Variants in GLB1L2 observed in about 807,000 individuals in gnomAD.
GLB1L2 encodes the protein beta-galactosidase-1-like protein 2.
A neutral mutation model predicts 84.1 loss-of-function variants in GLB1L2; 68 were observed. The observed-to-expected ratio is 0.81, with a 90% CI of 0.67 to 0.99. GLB1L2 has a LOEUF of 0.99. Among genes scored for constraint, GLB1L2 ranks in the 50% least tolerant of loss-of-function variants. GLB1L2 has a pLI of 0.00. For synonymous variants in GLB1L2, 290 were observed against 318.0 expected (o/e 0.91, Z 0.94); for missense variants, 762 against 805.6 (o/e 0.95, Z 0.66).
intron 5 of GLB1L2, among the ~76,000 whole-genome samples, chr11:134,352,285 A>T (rs1943644741): frequency 6.6e-6 from 1 of 152,156 alleles, no homozygotes; most frequent in Non-Finnish European, 1.5e-5. Context: ...TTTCTGTAAA[A>T]TCAGCAGTAA....
rs974029946 is a variant in GLB1L2, at chr11:134,334,676, C to T, written c.86+2529C>T. 3.3e-5 allele frequency among the ~76,000 whole-genome samples: 5 copies of T among 152,104 alleles called. No individual in the cohort carries two copies. The highest frequency in any genetic ancestry group is 7.2e-5 in the African/African-American group (3 of 41,398). The stretch of plus-strand genomic sequence containing the variant: ...TCCTACTCCTCCCTGCTCCCCAGCC[C>T]CAAGCAACCACTGATCTGTTGCTTT... On this transcript the variant is annotated intron_variant, in intron 1 of 18. Transcript: ENST00000535456. The surrounding 1 kb of genome is among the most constrained non-coding windows in gnomAD (Gnocchi z 4.1).
chr11:134,368,638 C>G lies in GLB1L2; in HGVS notation c.890-6C>G, dbSNP rs375488325. The G allele has an allele frequency of 6.2e-7, 1 of 1,613,456 alleles. No individual in the cohort carries two copies. Among genetic ancestry groups the G allele is most frequent in the African/African-American group, 1.3e-5 (1 of 75,040 alleles). On this transcript the variant is annotated splice_polypyrimidine_tract_variant and splice_region_variant and intron_variant, in intron 9 of 18. Coordinates refer to ENST00000535456, the MANE Select transcript of GLB1L2 (RefSeq NM_001370461.1). The stretch of plus-strand genomic sequence containing the variant: ...CTGCACATCCCCTTTCTCCCTCCTC[C>G]GGCAGAGGTTTTGAAAACCGTGTCT...
intron 7 of GLB1L2, among the ~76,000 whole-genome samples, chr11:134,363,048 T>C (rs979222493): frequency 1.3e-5 from 2 of 152,194 alleles, no homozygotes; most frequent in Non-Finnish European, 2.9e-5. Flanking sequence ...ACAGAGATGC[T>C]TGTGTTCACT....
At chr11:134,345,585 C>T (rs1397246335) in intron 4 of GLB1L2, among the ~76,000 whole-genome samples, 1 of 152,232 alleles carries the variant, frequency 6.6e-6, no homozygotes, top group African/African-American at 2.4e-5. Context: ...ATTCTCCTGC[C>T]TCAGCCTCCC....
chr11:134,332,381 G>A (rs370433154), intron 1 of GLB1L2, among the ~76,000 whole-genome samples: 1 of 152,006 alleles, frequency 6.6e-6, no homozygotes, highest in Non-Finnish European at 1.5e-5. Flanking sequence ...GGGAGCCGGC[G>A]TCTGTGCCCC....
chr11:134,359,055 C>T lies in GLB1L2; in HGVS notation c.652-5C>T. On this transcript the variant is annotated splice_polypyrimidine_tract_variant and splice_region_variant and intron_variant, in intron 6 of 18. Coordinates refer to ENST00000535456, the MANE Select transcript of GLB1L2 (RefSeq NM_001370461.1). ...AGACGAGGGCTTGTCTCATTTCCCC[C>T]ACAGGCACTGGAGGACCGTGGCATT... is the stretch of plus-strand genomic sequence containing the variant. 1 of 1,584,218 alleles carries T rather than the reference C, an allele frequency of 6.3e-7. No homozygotes were observed. The highest frequency in any genetic ancestry group is 8.6e-7 in the Non-Finnish European group (1 of 1,164,994).
Position 134,332,029 on chromosome 11 carries a change from G to A in GLB1L2, c.-33G>A. On this transcript the variant is annotated 5_prime_UTR_variant, in exon 1 of 19. Coordinates refer to ENST00000535456, the MANE Select transcript of GLB1L2 (RefSeq NM_001370461.1). Reference sequence around the variant, plus strand: ...GCGCGGCTGAGTGCGGACTGGAGTGGGAACCCGGGTCCCCGCGCTTAGAGA... The same window carrying A: ...GCGCGGCTGAGTGCGGACTGGAGTGAGAACCCGGGTCCCCGCGCTTAGAGA... The A allele has an allele frequency of 6.7e-7, 1 of 1,488,246 alleles. No homozygotes were observed. The highest frequency in any genetic ancestry group is 2.6e-5 in the East Asian group (1 of 38,242). 92.2% of individuals were successfully genotyped at this position (1,488,246 alleles called of 1,614,324 possible). A position where few individuals can be genotyped will look rare whatever the true frequency, so the allele number is the denominator to read the frequency against.
At chr11:134,371,560 C>A in intron 14 of GLB1L2, 68 bp downstream of exon 14, 1 of 1,109,168 alleles carries the variant, frequency 9.0e-7, no homozygotes, top group Non-Finnish European at 1.4e-6. Context: ...GGGGCAGTCA[C>A]TGAGGAAAAC....
At chr11:134,347,155 C>T (rs960977607) in intron 4 of GLB1L2, 170 bp from the exon 5 acceptor site, 5 of 648,078 alleles carry the variant, frequency 7.7e-6, no homozygotes, top group Non-Finnish European at 1.4e-5. Context: ...GGGTGCTCGC[C>T]CCAGAATCGG....
chr11:134,332,843 C>T (rs1943323475), intron 1 of GLB1L2, among the ~76,000 whole-genome samples: 1 of 152,208 alleles, frequency 6.6e-6, no homozygotes, highest in Admixed American at 6.5e-5. Context: ...AAAAAGTTTT[C>T]TGGGTGCCCT....
At chr11:134,368,601 C>A in intron 9 of GLB1L2, 43 bp from the exon 10 acceptor site, 1 of 1,610,524 alleles carries the variant, frequency 6.2e-7, no homozygotes, top group African/African-American at 1.3e-5. Context: ...TCATCTCAGA[C>A]TTTAACTCAC....
At chr11:134,363,981 G>A (rs1220226670) in intron 7 of GLB1L2, among the ~76,000 whole-genome samples, 4 of 152,198 alleles carry the variant, frequency 2.6e-5, no homozygotes, top group Non-Finnish European at 5.9e-5. Flanking sequence ...GGGTTCAAGT[G>A]ATCCTCCCAC....
intron 1 of GLB1L2, among the ~76,000 whole-genome samples, chr11:134,332,578 T>C (rs1943318090): frequency 6.6e-6 from 1 of 152,138 alleles, no homozygotes; most frequent in Non-Finnish European, 1.5e-5. Context: ...AGGCGCCTTA[T>C]TCCGCAGAGG....
chr11:134,352,891 G>A (rs538065686), intron 5 of GLB1L2, among the ~76,000 whole-genome samples: 42 of 151,936 alleles, frequency 2.8e-4, no homozygotes, highest in East Asian at 1.2e-3. Context: ...CAGGTGATCC[G>A]CCCGCCTTGG....
At chr11:134,352,426 A>G (rs903016601) in intron 5 of GLB1L2, among the ~76,000 whole-genome samples, 1 of 151,464 alleles carries the variant, frequency 6.6e-6, no homozygotes, top group Non-Finnish European at 1.5e-5. Flanking sequence ...TTGTTTTTCT[A>G]TTCTCTCATT....
intron 7 of GLB1L2, among the ~76,000 whole-genome samples, chr11:134,363,127 G>C (rs1345873195): frequency 2.0e-5 from 3 of 152,178 alleles, no homozygotes; most frequent in Non-Finnish European, 4.4e-5. Flanking sequence ...TGTCTTCAAA[G>C]GGCTTCTGGC....
intron 1 of GLB1L2, among the ~76,000 whole-genome samples, chr11:134,340,526 C>G (rs1003775173): frequency 1.3e-5 from 2 of 152,082 alleles, no homozygotes; most frequent in African/African-American, 4.8e-5. Flanking sequence ...CAGGTGTGGC[C>G]TGAGCAGTTG....
In GLB1L2 at chr11:134,364,932, G is replaced by A. The variant is rs550923966; in HGVS notation, c.804+534G>A. 62 of 153,018 alleles carry A rather than the reference G, an allele frequency of 4.1e-4. No homozygotes were observed. The South Asian group carries it at 0.011, about 26-fold the overall frequency. 9.5% of individuals were successfully genotyped at this position (153,018 alleles called of 1,614,324 possible). ...TGACTGGCCTCTTTCTCGAGCTCGC[G>A]TGCCCCTCCGAAGCAGGTGGATGGA... On this transcript the variant is annotated intron_variant, in intron 8 of 18. Coordinates refer to ENST00000535456, the MANE Select transcript of GLB1L2 (RefSeq NM_001370461.1).
At chr11:134,367,928 C>A (rs1008788059) in intron 9 of GLB1L2, among the ~76,000 whole-genome samples, 1 of 152,336 alleles carries the variant, frequency 6.6e-6, no homozygotes, top group South Asian at 2.1e-4. Flanking sequence ...TCCCGGTGAG[C>A]ATCCCGGAGC....
Sources: allele counts gnomAD v4.1 joint callset (sites outside exome capture counted in the v4.1 genomes callset), GRCh38; gene constraint gnomAD v4.1.1; non-coding constraint Gnocchi (gnomAD v3.1); transcripts MANE v1.5; gene names NCBI Gene and HGNC (gene_info 2026-07-23, HGNC 2026-07-21).